The following AKAP13 variants were observed in gnomAD, a reference collection of about 807,000 sequenced individuals.
AKAP13 encodes A-kinase anchor protein 13.
AKAP13 carries 80 observed loss-of-function variants against 264.5 expected under a neutral mutation model. The observed-to-expected ratio is 0.30, with a 90% CI of 0.25 to 0.36. AKAP13 has a LOEUF of 0.36. AKAP13 is among the 10% of genes least tolerant of loss of function. The pLI is 1.00. For missense variants in AKAP13, 3,712 were observed against 3,435.2 expected (o/e 1.08, Z -2.01); for synonymous variants, 1,380 against 1,250.2 (o/e 1.10, Z -2.19).
intron 1 of AKAP13, chr15:85,480,984 G>A (rs950850413): frequency 8.5e-5 from 13 of 152,330 alleles, no homozygotes; most frequent in Middle Eastern, 3.4e-3. Flanking sequence ...GTGCCACCGC[G>A]TCTGTCCTAA....
intron 14 of AKAP13, among the ~76,000 whole-genome samples, chr15:85,675,283 G>T (rs1370678622): frequency 2.0e-5 from 3 of 152,140 alleles, no homozygotes; most frequent in Admixed American, 2.0e-4. Context: ...TCTTACTTTT[G>T]CACAAGACTC....
intron 19 of AKAP13, among the ~76,000 whole-genome samples, chr15:85,712,578 C>CT (rs2086689663): frequency 6.6e-6 from 1 of 151,260 alleles, no homozygotes; most frequent in Non-Finnish European, 1.5e-5. Context: ...GAGTCTTACT[C>CT]TGTCACCCAG....
intron 17 of AKAP13, among the ~76,000 whole-genome samples, chr15:85,697,865 A>T (rs1227089410): frequency 6.6e-6 from 1 of 152,228 alleles, no homozygotes; most frequent in Non-Finnish European, 1.5e-5. Context: ...ATTTAATCAT[A>T]AATAATTGTA....
chr15:85,686,171 GTGTGTGTGCACGTGCATGCA>G (rs1449539858), intron 16 of AKAP13, among the ~76,000 whole-genome samples: 1 of 119,000 alleles, frequency 8.4e-6, no homozygotes, highest in African/African-American at 3.4e-5. Context: ...GTGTGTATGT[GTGTGTGTGCACGTGCATGCA>G]TGTGTGTGTG....
intron 8 of AKAP13, among the ~76,000 whole-genome samples, chr15:85,604,741 G>C (rs980821530): frequency 6.6e-6 from 1 of 151,204 alleles, no homozygotes; most frequent in Non-Finnish European, 1.5e-5. Flanking sequence ...TGGGATTACA[G>C]GCATGAACTG....
intron 14 of AKAP13, among the ~76,000 whole-genome samples, chr15:85,681,133 T>C (rs2151600797): frequency 6.6e-6 from 1 of 152,324 alleles, no homozygotes; most frequent in South Asian, 2.1e-4. Flanking sequence ...GCTGGTAGTC[T>C]GGTAGTAGAA....
At chr15:85,503,679 T>C (rs2076100443) in intron 2 of AKAP13, among the ~76,000 whole-genome samples, 1 of 152,138 alleles carries the variant, frequency 6.6e-6, no homozygotes, top group Non-Finnish European at 1.5e-5. Context: ...TAGTATGTAT[T>C]AGATCAGGTA....
At chr15:85,518,510 T>C (rs2076690539) in intron 2 of AKAP13, among the ~76,000 whole-genome samples, 18 of 152,164 alleles carry the variant, frequency 1.2e-4, no homozygotes, top group Admixed American at 1.1e-3. Flanking sequence ...TGACTTAATA[T>C]TAAAAACAAA....
intron 1 of AKAP13, among the ~76,000 whole-genome samples, chr15:85,396,630 C>T (rs1379074273): frequency 2.0e-5 from 3 of 152,050 alleles, no homozygotes; most frequent in African/African-American, 7.2e-5. Flanking sequence ...TATTTTTACT[C>T]CAATGTATAA....
intron 1 of AKAP13, among the ~76,000 whole-genome samples, chr15:85,458,164 A>G (rs1459473461): frequency 6.6e-6 from 1 of 151,824 alleles, no homozygotes; most frequent in Non-Finnish European, 1.5e-5. Flanking sequence ...AGTTGAAAAT[A>G]CTAACTTTTA....
At chr15:85,709,666 T>TTTTATTTTAC (rs56191068) in intron 18 of AKAP13, among the ~76,000 whole-genome samples, 20,871 of 140,760 alleles carry the variant, frequency 0.15, 1,858 homozygotes, top group Non-Finnish European at 0.21. Context: ...GGGAATTTTA[T>TTTTATTTTAC]TTTATTTTAT....
chr15:85,528,133 A>T (rs574579777), intron 3 of AKAP13, among the ~76,000 whole-genome samples: 2 of 152,180 alleles, frequency 1.3e-5, no homozygotes, highest in African/African-American at 4.8e-5. Context: ...ATCAGTAGCA[A>T]TATTTCGTTT....
chr15:85,735,155 A>C lies in AKAP13; in HGVS notation c.7441+5A>C, dbSNP rs753516883. The C allele has an allele frequency of 6.2e-7, 1 of 1,613,140 alleles. No individual in the cohort carries two copies. The highest frequency in any genetic ancestry group is 1.1e-5 in the South Asian group (1 of 90,896). ...ATCAGATGAATGCTTCAAAAGGTAAATGATGTGAAGTCATGAGCTTTTATA... is the reference window on the plus strand; with the variant it reads ...ATCAGATGAATGCTTCAAAAGGTAACTGATGTGAAGTCATGAGCTTTTATA... On this transcript the variant is annotated splice_donor_5th_base_variant and intron_variant, in intron 31 of 36. Coordinates refer to ENST00000394518, the MANE Select transcript of AKAP13 (RefSeq NM_007200.5).
intron 1 of AKAP13, among the ~76,000 whole-genome samples, chr15:85,459,832 T>A (rs188095061): frequency 2.0e-5 from 3 of 152,172 alleles, no homozygotes; most frequent in African/African-American, 7.2e-5. Context: ...CCATCATCTA[T>A]CTAGTTAAGG....
chr15:85,692,097 C>T (rs145496077), intron 16 of AKAP13, among the ~76,000 whole-genome samples: 22 of 152,238 alleles, frequency 1.4e-4, no homozygotes, highest in African/African-American at 4.8e-4. Flanking sequence ...TCCTGTCATC[C>T]GTGCATTCTC....
Position 85,703,853 on chromosome 15 carries a change from AATAT to A in AKAP13, c.5465-4150_5465-4147del, listed in dbSNP as rs1555461459. Among the ~76,000 whole-genome samples, 8 of 142,538 alleles carry A rather than the reference AATAT, an allele frequency of 5.6e-5. No homozygotes were observed. The South Asian group carries it at 6.7e-4, about 12-fold the overall frequency. The allele number at this position is 142,538 out of a possible 152,430, so 93.5% of individuals were successfully genotyped here. A position where few individuals can be genotyped will look rare whatever the true frequency, so the allele number is the denominator to read the frequency against. On this transcript the variant is annotated intron_variant, in intron 17 of 36. Coordinates refer to ENST00000394518, the MANE Select transcript of AKAP13 (RefSeq NM_007200.5). The stretch of plus-strand genomic sequence containing the variant: ...GCAAGACTCCATCTCAAAAAAAAAA[AATAT>A]ATATATATATATATACACACACATA...
intron 8 of AKAP13, among the ~76,000 whole-genome samples, chr15:85,628,219 T>G (rs746317706): frequency 8.5e-5 from 13 of 152,214 alleles, no homozygotes; most frequent in Non-Finnish European, 1.3e-4. Context: ...AAAATTATAC[T>G]TATAAACCGT....
At chr15:85,646,135 T>C (rs774754138) in intron 10 of AKAP13, among the ~76,000 whole-genome samples, 181 bp downstream of exon 10, 2 of 152,172 alleles carry the variant, frequency 1.3e-5, no homozygotes, top group South Asian at 2.1e-4. Flanking sequence ...CTGAGAGGCA[T>C]GTAAATGTTC....
At chr15:85,533,103 G>A (rs1056092718) in intron 3 of AKAP13, among the ~76,000 whole-genome samples, 2 of 152,168 alleles carry the variant, frequency 1.3e-5, no homozygotes, top group Non-Finnish European at 2.9e-5. Context: ...CCTTTGTATC[G>A]TGATAATAAA....
Sources: gnomAD v4.1 joint callset for allele counts (sites outside exome capture counted in the v4.1 genomes callset) on GRCh38, gnomAD v4.1.1 for gene constraint, MANE v1.5 for transcripts, NCBI Gene and HGNC (gene_info 2026-07-23, HGNC 2026-07-21) for gene names.